The following SLC68A1 variants were observed in gnomAD, a reference collection of about 807,000 sequenced individuals.
The protein encoded by SLC68A1 is major facilitator superfamily domain containing 13A.
At chr10:102,472,618 A>G in the SLC68A1 span, among the ~76,000 whole-genome samples, 1 of 152,212 alleles carries the variant, frequency 6.6e-6, no homozygotes, top group Admixed American at 6.5e-5. Flanking sequence ...TAATTGCTCC[A>G]GTACTATTTT....
At chr10:102,471,539 C>T in the SLC68A1 span, 1,200 of 1,203,126 alleles carry the variant, frequency 1.0e-3, 2 homozygotes, top group Non-Finnish European at 1.3e-3. Context: ...GTGGGTGGAT[C>T]ACTTGAGGAC....
chr10:102,470,949 C>T, the SLC68A1 span: 2 of 1,613,374 alleles, frequency 1.2e-6, no homozygotes, highest in Non-Finnish European at 1.7e-6. Context: ...TCTGTCTTTG[C>T]ATCCTATGCC....
the SLC68A1 span, among the ~76,000 whole-genome samples, chr10:102,463,695 C>A: frequency 2.0e-5 from 3 of 152,090 alleles, no homozygotes; most frequent in Admixed American, 2.0e-4. Flanking sequence ...GACTCCAGCA[C>A]CTACTAGCTT....
chr10:102,471,112 T>C, the SLC68A1 span: 44 of 1,612,854 alleles, frequency 2.7e-5, no homozygotes, highest in African/African-American at 5.2e-4. Context: ...TGGTTGTGGA[T>C]AGCGGGTGAG....
the SLC68A1 span, among the ~76,000 whole-genome samples, chr10:102,475,165 G>C: frequency 6.6e-6 from 1 of 152,046 alleles, no homozygotes; most frequent in Non-Finnish European, 1.5e-5. Context: ...GTGTGGTGGC[G>C]CATGCCTGTA....
At chr10:102,472,670 G>C in the SLC68A1 span, among the ~76,000 whole-genome samples, 2 of 152,202 alleles carry the variant, frequency 1.3e-5, no homozygotes, top group Non-Finnish European at 2.9e-5. Context: ...ATAGCACCAG[G>C]AATGTGGTTT....
the SLC68A1 span, among the ~76,000 whole-genome samples, chr10:102,473,307 G>C: frequency 6.6e-6 from 1 of 152,154 alleles, no homozygotes; most frequent in African/African-American, 2.4e-5. Context: ...GCCTGGGTGT[G>C]AGTCTTGACT....
chr10:102,474,082 G>A, the SLC68A1 span: 1 of 1,453,920 alleles, frequency 6.9e-7, no homozygotes, highest in Non-Finnish European at 9.1e-7. Context: ...ACAGTGGCTG[G>A]CAAGCCTGGG....
chr10:102,469,093 C>T, the SLC68A1 span: 1 of 1,614,200 alleles, frequency 6.2e-7, no homozygotes, highest in Non-Finnish European at 8.5e-7. Context: ...CTATGGCTCC[C>T]TGGCTCTCTT....
the SLC68A1 span, chr10:102,472,772 G>C: frequency 3.5e-5 from 35 of 989,406 alleles, no homozygotes; most frequent in African/African-American, 4.9e-4. Context: ...AGTTGGGGGG[G>C]ATGTGTGTTC....
At chr10:102,473,881 A>T in the SLC68A1 span, 1 of 1,614,136 alleles carries the variant, frequency 6.2e-7, no homozygotes, top group Non-Finnish European at 8.5e-7. Flanking sequence ...GACCTGGTAG[A>T]CGAGGACCTG....
chr10:102,471,087 C>A, the SLC68A1 span: 1 of 1,613,950 alleles, frequency 6.2e-7, no homozygotes, highest in Non-Finnish European at 8.5e-7. Context: ...CGAAAGGACC[C>A]AGGGTGCTCA....
At chr10:102,464,190 G>A in the SLC68A1 span, among the ~76,000 whole-genome samples, 13 of 152,168 alleles carry the variant, frequency 8.5e-5, no homozygotes, top group Admixed American at 6.6e-4. Context: ...GGTGGCTCTC[G>A]CCTGTGAGCC....
chr10:102,465,311 G>C, the SLC68A1 span, among the ~76,000 whole-genome samples: 1 of 151,996 alleles, frequency 6.6e-6, no homozygotes, highest in Non-Finnish European at 1.5e-5. Context: ...TGTAATCCCA[G>C]CTACTGAGGA....
chr10:102,470,693 G>A, the SLC68A1 span: 18 of 1,612,270 alleles, frequency 1.1e-5, no homozygotes, highest in East Asian at 2.7e-4. Context: ...CTCAAGGGCT[G>A]TGGTGCTGGC....
the SLC68A1 span, chr10:102,469,001 C>T: frequency 6.9e-6 from 11 of 1,595,678 alleles, no homozygotes; most frequent in East Asian, 2.5e-4. Flanking sequence ...CTCCCCGGTG[C>T]TCCTGGGGCT....
At chr10:102,470,470 G>A in the SLC68A1 span, among the ~76,000 whole-genome samples, 1 of 152,216 alleles carries the variant, frequency 6.6e-6, no homozygotes, top group Non-Finnish European at 1.5e-5. Context: ...GGAAATTGGG[G>A]CAGAGGAGGA....
chr10:102,464,271 C>T, the SLC68A1 span, among the ~76,000 whole-genome samples: 3 of 151,610 alleles, frequency 2.0e-5, no homozygotes, highest in Non-Finnish European at 4.4e-5. Flanking sequence ...GCCAACGTGG[C>T]GAAACCCCGT....
the SLC68A1 span, chr10:102,468,855 T>G: frequency 1.7e-6 from 1 of 596,904 alleles, no homozygotes; most frequent in Non-Finnish European, 3.0e-6. Context: ...AAGTACAAAC[T>G]CTCTCCTGTT....
Sources: gnomAD v4.1 joint callset for allele counts (sites outside exome capture counted in the v4.1 genomes callset) on GRCh38, gnomAD v4.1.1 for gene constraint, MANE v1.5 for transcripts, NCBI Gene and HGNC (gene_info 2026-07-23, HGNC 2026-07-21) for gene names.